Variants in NECAB1 observed in about 807,000 individuals in gnomAD.
NECAB1 encodes the protein N-terminal EF-hand calcium-binding protein 1.
NECAB1 carries 29 observed loss-of-function variants against 57.5 expected under a neutral mutation model. That is an observed-to-expected ratio of 0.50 (90% CI 0.38 to 0.69). The LOEUF (loss-of-function observed/expected upper bound fraction) is 0.69, where lower values mean the gene tolerates loss of function less well. NECAB1 is among the 30% of genes least tolerant of loss of function. NECAB1 has a pLI of 0.00. For missense variants in NECAB1, 372 were observed against 413.8 expected, an observed-to-expected ratio of 0.90 and a Z score of 0.88; for synonymous variants, 142 against 147.7, an observed-to-expected ratio of 0.96 and a Z score of 0.28.
intron 1 of NECAB1, among the ~76,000 whole-genome samples, chr8:90,799,819 C>T (rs984991056): frequency 6.6e-6 from 1 of 152,016 alleles, no homozygotes; most frequent in African/African-American, 2.4e-5. Context: ...AATTTTAGAA[C>T]AGTTTTTTCT....
Position 90,882,596 on chromosome 8 carries a change from G to A in NECAB1, c.357+1466G>A, listed in dbSNP as rs537575780. 2.0e-5 allele frequency among the ~76,000 whole-genome samples: 3 copies of A among 152,130 alleles called. No individual in the cohort carries two copies. The South Asian group carries it at 6.2e-4, about 32-fold the overall frequency. On this transcript the variant is annotated intron_variant, in intron 5 of 12. Coordinates refer to ENST00000417640, the MANE Select transcript of NECAB1 (RefSeq NM_022351.5). ...TGTCTAGCTTCTTGTTGCTCTTCAA[G>A]TCTCATCTTAAATACCATGGCCTCA... is the stretch of plus-strand genomic sequence containing the variant.
intron 7 of NECAB1, among the ~76,000 whole-genome samples, chr8:90,926,453 A>C (rs1364870961): frequency 6.6e-6 from 1 of 152,242 alleles, no homozygotes. Flanking sequence ...CAGGTAAGGA[A>C]ACAAGCCTGG....
chr8:90,907,749 C>G (rs1241768533), intron 5 of NECAB1, among the ~76,000 whole-genome samples: 1 of 151,774 alleles, frequency 6.6e-6, no homozygotes, highest in African/African-American at 2.4e-5. Flanking sequence ...TTTTTAAATC[C>G]CACTGGAAAA....
intron 1 of NECAB1, among the ~76,000 whole-genome samples, chr8:90,792,574 C>T (rs915422823): frequency 5.9e-5 from 9 of 152,056 alleles, no homozygotes; most frequent in African/African-American, 2.2e-4. Flanking sequence ...CTGATATTCT[C>T]CTTCTCTCCA....
chr8:90,918,856 CT>C (rs1810038764), intron 6 of NECAB1, among the ~76,000 whole-genome samples: 1 of 151,646 alleles, frequency 6.6e-6, no homozygotes, highest in African/African-American at 2.4e-5. Flanking sequence ...ATAGTGCCCC[CT>C]ATTTATATCT....
chr8:90,931,655 G>A (rs1342212267), intron 8 of NECAB1, among the ~76,000 whole-genome samples: 1 of 152,158 alleles, frequency 6.6e-6, no homozygotes, highest in African/African-American at 2.4e-5. Flanking sequence ...TGTAATCCCG[G>A]CACTTTGGGA....
rs1352313318 is a variant in NECAB1 at position 90,949,007 on chromosome 8, G to A, written c.861-800G>A. On this transcript the variant is annotated intron_variant, in intron 10 of 12. Transcript: ENST00000417640. ...TATTATGTAGACTTTTTCCTCCTTC[G>A]GGCTAGTCAAAGGACTGGAAGGAAC... Among the ~76,000 whole-genome samples the A allele has an allele frequency of 4.0e-5, 6 of 151,894 alleles. No individual in the cohort carries two copies. The South Asian group carries it at 6.2e-4, about 16-fold the overall frequency.
intron 9 of NECAB1, among the ~76,000 whole-genome samples, chr8:90,938,740 C>T (rs1382111407): frequency 1.3e-5 from 2 of 151,992 alleles, no homozygotes; most frequent in African/African-American, 4.8e-5. Flanking sequence ...TCTAGGAAGC[C>T]GAGAGCTCAA....
At chr8:90,860,275 T>A (rs1812877859) in intron 3 of NECAB1, among the ~76,000 whole-genome samples, 1 of 149,302 alleles carries the variant, frequency 6.7e-6, no homozygotes, top group Admixed American at 6.8e-5. Context: ...GTGATTCTAA[T>A]GGGCAGCCAG....
chr8:90,909,375 G>GAA (rs34312269), intron 5 of NECAB1, among the ~76,000 whole-genome samples: 33 of 145,180 alleles, frequency 2.3e-4, no homozygotes, highest in East Asian at 4.0e-4. Context: ...AGGCCTCTAC[G>GAA]AAAAAAAAAA....
At chr8:90,888,671 GTTC>G (rs1460744704) in intron 5 of NECAB1, among the ~76,000 whole-genome samples, 5 of 152,274 alleles carry the variant, frequency 3.3e-5, no homozygotes, top group African/African-American at 1.2e-4. Flanking sequence ...TTTTGGCAAA[GTTC>G]TTATTTTCAA....
intron 2 of NECAB1, among the ~76,000 whole-genome samples, chr8:90,816,746 T>TG (rs1284481242): frequency 4.0e-5 from 6 of 151,800 alleles, no homozygotes; most frequent in Non-Finnish European, 8.9e-5. Flanking sequence ...CAGTAAATCT[T>TG]GCAATTGGGA....
chr8:90,928,242 C>A lies in NECAB1; in HGVS notation c.636C>A (p.Asn212Lys), dbSNP rs955480380. 6.2e-7 allele frequency: 1 copy of A among 1,609,106 alleles called. No homozygotes were observed. Among genetic ancestry groups the A allele is most frequent in the South Asian group, 1.1e-5 (1 of 90,518 alleles). The change falls in exon 8 of 13, where the codon AAC becomes AAA. Residue 212 changes from asparagine to lysine, a missense_variant. Transcript: ENST00000417640. The stretch of plus-strand genomic sequence containing the variant: ...CCCCAGGCTTATTAGAAGAAGACAA[C>A]CAGTGGATGACCCAGATAAATAGAC... ...VSGPGLLEED[N>K]QWMTQINRLQ...
chr8:90,884,211 T>C (rs1808916215), intron 5 of NECAB1, among the ~76,000 whole-genome samples: 2 of 152,206 alleles, frequency 1.3e-5, no homozygotes, highest in African/African-American at 4.8e-5. Context: ...AGAAATAGAC[T>C]TGAATCCTAG....
intron 3 of NECAB1, among the ~76,000 whole-genome samples, chr8:90,860,994 T>C (rs986592770): frequency 2.0e-5 from 3 of 152,212 alleles, no homozygotes; most frequent in Admixed American, 2.0e-4. Context: ...AGATTGCTTT[T>C]ATAAGACTGT....
At chr8:90,857,171 C>G (rs1322183925) in intron 3 of NECAB1, among the ~76,000 whole-genome samples, 1 of 151,904 alleles carries the variant, frequency 6.6e-6, no homozygotes. Flanking sequence ...GGAAGGTATA[C>G]CTGGAAGAGA....
rs367589964 is a variant in NECAB1, at chr8:90,836,198, G to A, written c.233+11373G>A. ...TTCCTGATATAATTATTGGATCTTC[G>A]TTTATATGTTAAAAAAAGTTTTCAT... On this transcript the variant is annotated intron_variant, in intron 3 of 12. Coordinates refer to ENST00000417640, the MANE Select transcript of NECAB1 (RefSeq NM_022351.5). Among the ~76,000 whole-genome samples, 8 of 152,088 alleles carry A rather than the reference G, an allele frequency of 5.3e-5. No individual in the cohort carries two copies. The South Asian group carries it at 8.3e-4, about 16-fold the overall frequency.
intron 2 of NECAB1, 146 bp from the exon 3 acceptor site, chr8:90,824,571 T>C (rs1213324574): frequency 1.9e-5 from 9 of 470,050 alleles, no homozygotes; most frequent in Non-Finnish European, 3.4e-5. Flanking sequence ...TATTAAATTA[T>C]TTTTCTTTTT....
intron 2 of NECAB1, among the ~76,000 whole-genome samples, chr8:90,821,582 T>A (rs1458876028): frequency 6.6e-6 from 1 of 151,856 alleles, no homozygotes; most frequent in East Asian, 1.9e-4. Context: ...TTTAAAGATC[T>A]TCCTTCACTA....
Sources: gnomAD v4.1 joint callset for allele counts (sites outside exome capture counted in the v4.1 genomes callset) on GRCh38, gnomAD v4.1.1 for gene constraint, MANE v1.5 for transcripts, NCBI Gene and HGNC (gene_info 2026-07-23, HGNC 2026-07-21) for gene names.